The following TIMD4 variants were observed in gnomAD, a reference collection of about 807,000 sequenced individuals.
TIMD4 encodes the protein T cell immunoglobulin and mucin domain containing 4.
In TIMD4, 31 loss-of-function variants were observed where a neutral mutation model predicts 41.2. That is an observed-to-expected ratio of 0.75 (90% CI 0.57 to 1.01). The LOEUF is 1.01. Ranked by LOEUF, TIMD4 falls within the 50% of genes least tolerant of loss-of-function variation. The pLI, the probability that TIMD4 is intolerant of heterozygous loss-of-function variation, is 0.00. For missense variants in TIMD4, 479 were observed against 472.5 expected (o/e 1.01, Z -0.13); for synonymous variants, 204 against 177.1 (o/e 1.15, Z -1.21).
At chr5:156,953,678 G>A (rs58902300) in intron 2 of TIMD4, among the ~76,000 whole-genome samples, 2,916 of 136,390 alleles carry the variant, frequency 0.021, 120 homozygotes, top group African/African-American at 0.08. Flanking sequence ...AAAAAAAAGA[G>A]AGAGAGAGAG....
chr5:156,963,152 CA>C lies in TIMD4; in HGVS notation c.46del (p.Trp16GlyfsTer4), dbSNP rs1561557894. The C allele has an allele frequency of 6.2e-7, 1 of 1,614,116 alleles. No individual in the cohort carries two copies. Among genetic ancestry groups the C allele is most frequent in the East Asian group, 2.2e-5 (1 of 44,878 alleles). On this transcript the variant is annotated frameshift_variant, in exon 1 of 9. Transcript: ENST00000274532. LOFTEE classifies it high-confidence loss of function. ...TTCAGAACACTTACTCAGGTAAAGCCACCAAAACTCAATCATCAGCCAGAGA... is the reference window on the plus strand; with the variant it reads ...TTCAGAACACTTACTCAGGTAAAGCCCCAAAACTCAATCATCAGCCAGAGA... The part of the protein sequence containing the change: ...LILWLMIEFW[W>X]LYLTPVTSET...
At chr5:156,949,572 A>G (rs1759813849) in intron 4 of TIMD4, 79 bp downstream of exon 4, 17 of 1,262,274 alleles carry the variant, frequency 1.3e-5, no homozygotes, top group Non-Finnish European at 1.8e-5. Flanking sequence ...CAGTCATCTG[A>G]TTCAGCAAGA....
chr5:156,953,918 T>C (rs1000841297), intron 2 of TIMD4, among the ~76,000 whole-genome samples: 2 of 152,186 alleles, frequency 1.3e-5, no homozygotes, highest in African/African-American at 4.8e-5. Context: ...AAGCAACTGA[T>C]AGTAACAGAA....
intron 5 of TIMD4, among the ~76,000 whole-genome samples, chr5:156,930,280 C>T (rs992930307): frequency 2.0e-5 from 3 of 152,124 alleles, no homozygotes; most frequent in African/African-American, 4.8e-5. Flanking sequence ...ATATTTAATC[C>T]TCACAAGCAA....
At chr5:156,957,959 G>A (rs530479968) in intron 1 of TIMD4, among the ~76,000 whole-genome samples, 1 of 152,224 alleles carries the variant, frequency 6.6e-6, no homozygotes, top group South Asian at 2.1e-4. Flanking sequence ...TGCATAAAAG[G>A]AGGCATCCTA....
chr5:156,934,137 T>C (rs935355846), intron 5 of TIMD4, among the ~76,000 whole-genome samples: 1 of 152,056 alleles, frequency 6.6e-6, no homozygotes, highest in South Asian at 2.1e-4. Context: ...CCCGTTCCCA[T>C]CCTATTCATA....
chr5:156,941,122 TC>T (rs1431848497), intron 5 of TIMD4, among the ~76,000 whole-genome samples: 3 of 152,080 alleles, frequency 2.0e-5, no homozygotes, highest in Non-Finnish European at 4.4e-5. Context: ...GGCAGCATGC[TC>T]GTTAAGAGTC....
chr5:156,958,709 A>C (rs950571941), intron 1 of TIMD4, among the ~76,000 whole-genome samples: 40 of 152,330 alleles, frequency 2.6e-4, no homozygotes, highest in African/African-American at 9.4e-4. Flanking sequence ...TTTGTTATCC[A>C]CCCTAGAAAA....
At position 156,922,187 on chromosome 5, in the gene TIMD4, A is replaced by G; in HGVS notation, c.924T>C (p.Asn308=). 6.2e-7 allele frequency: 1 copy of G among 1,614,006 alleles called. No individual in the cohort carries two copies. Among genetic ancestry groups the G allele is most frequent in the Non-Finnish European group, 8.5e-7 (1 of 1,179,922 alleles). Residue 308 remains asparagine (N), a synonymous_variant, in exon 7 of 9, where the codon AAT becomes AAC. Transcript: ENST00000274532. The stretch of plus-strand genomic sequence containing the variant: ...TCAGTAGTTGGGAGATGGGCATTTC[A>G]TTCTTCATTGACATGGGTATTCCAT... ...QMDGIPMSMK[N]EMPISQLLMI... is the part of the protein sequence containing the mutation.
rs200184575 is a variant in TIMD4 at position 156,954,615 on chromosome 5, G to A, written c.200C>T (p.Ala67Val). 15 of 1,614,200 alleles carry A rather than the reference G, an allele frequency of 9.3e-6. No homozygotes were observed. The highest frequency in any genetic ancestry group is 6.7e-5 in the African/African-American group (5 of 75,048). ...DQCPYSGCKEALIRTDGMRVT... is the reference protein window; with the variant it reads ...DQCPYSGCKEVLIRTDGMRVT... ...CCTCATTCCATCAGTGCGGATGAGC[G>A]CCTCCTTGCAACCGGAGTAGGGGCA... is the stretch of plus-strand genomic sequence containing the variant. Residue 67 changes from alanine (A) to valine (V), a missense_variant, in exon 2 of 9, where the codon GCG becomes GTG. Transcript: ENST00000274532.
intron 6 of TIMD4, chr5:156,924,158 C>G: frequency 7.1e-6 from 3 of 422,806 alleles, no homozygotes; most frequent in Non-Finnish European, 1.4e-5. Flanking sequence ...GCTGACCAGC[C>G]TGAGCCTACT....
intron 5 of TIMD4, among the ~76,000 whole-genome samples, chr5:156,933,456 A>AC (rs1759479857): frequency 7.6e-5 from 6 of 78,440 alleles, no homozygotes; most frequent in African/African-American, 3.0e-4. Context: ...CTCGCCCCCC[A>AC]ACCCCCCCCC....
chr5:156,951,921 C>G, intron 2 of TIMD4, 131 bp from the exon 3 acceptor site: 2 of 1,265,438 alleles, frequency 1.6e-6, no homozygotes, highest in Non-Finnish European at 2.2e-6. Context: ...TTGTAATGCC[C>G]AATAAAATTG....
chr5:156,936,107 T>G (rs1403458279), intron 5 of TIMD4, among the ~76,000 whole-genome samples: 1 of 152,024 alleles, frequency 6.6e-6, no homozygotes, highest in Non-Finnish European at 1.5e-5. Context: ...GGCATGGTGG[T>G]GCATGACTGT....
At chr5:156,923,276 G>A (rs981549354) in intron 6 of TIMD4, among the ~76,000 whole-genome samples, 4 of 150,918 alleles carry the variant, frequency 2.7e-5, no homozygotes, top group Non-Finnish European at 5.9e-5. Flanking sequence ...AACCTCCCAC[G>A]TAGCTGGGGT....
At chr5:156,936,121 C>T (rs1478995695) in intron 5 of TIMD4, among the ~76,000 whole-genome samples, 1 of 152,146 alleles carries the variant, frequency 6.6e-6, no homozygotes. Context: ...TGACTGTAGT[C>T]CCAGCTACTC....
rs182816577 is a variant in TIMD4, at chr5:156,954,163, C to A, written c.400+252G>T. Among the ~76,000 whole-genome samples the A allele has an allele frequency of 2.0e-5, 3 of 152,176 alleles. No individual in the cohort carries two copies. The East Asian group carries it at 5.8e-4, about 29-fold the overall frequency. On this transcript the variant is annotated intron_variant, in intron 2 of 8. Coordinates refer to ENST00000274532, the MANE Select transcript of TIMD4 (RefSeq NM_138379.3). The stretch of plus-strand genomic sequence containing the variant: ...ACCCAAATATCTGCAAGGTGGTAAT[C>A]CCCTAGATACGTAGCAGCTGCCTTT...
intron 5 of TIMD4, among the ~76,000 whole-genome samples, chr5:156,941,283 T>A (rs1053090175): frequency 5.3e-5 from 8 of 151,278 alleles, no homozygotes; most frequent in Admixed American, 2.6e-4. Context: ...CAAATCCCCC[T>A]CTCCGAGAAA....
In TIMD4 at chr5:156,949,632, AGAGT is replaced by A. The variant is rs140601066; in HGVS notation, c.760+15_760+18del. The A allele has an allele frequency of 4.1e-4, 660 of 1,591,644 alleles. 1 individual carries two copies. In the African/African-American group the frequency reaches 7.9e-3, roughly 19 times the overall value. On this transcript the variant is annotated intron_variant, in intron 4 of 8. Transcript: ENST00000274532. ...GTACAAAGGGTGAGGGAGGACAGAG[AGAGT>A]GAGTGTCTGCACACCTTTGGATGTC... is the stretch of plus-strand genomic sequence containing the variant.
Sources: gnomAD v4.1 joint callset for allele counts (sites outside exome capture counted in the v4.1 genomes callset) on GRCh38, gnomAD v4.1.1 for gene constraint, MANE v1.5 for transcripts, NCBI Gene and HGNC (gene_info 2026-07-23, HGNC 2026-07-21) for gene names.